Variants in COL15A1 observed in about 807,000 individuals in gnomAD.
COL15A1 encodes the protein collagen alpha-1(XV) chain.
Under a neutral mutation model 165.9 loss-of-function variants are expected in COL15A1, and 111 were observed. The observed-to-expected ratio is 0.67, with a 90% confidence interval of 0.57 to 0.78. The LOEUF is 0.78. COL15A1 is among the 30% of genes least tolerant of loss of function. The pLI is 0.00. For missense variants in COL15A1, 1,745 were observed against 1,789.7 expected, an observed-to-expected ratio of 0.98 and a Z score of 0.45; for synonymous variants, 659 against 674.8, an observed-to-expected ratio of 0.98 and a Z score of 0.36.
At chr9:98,981,964 T>C (rs531254222) in intron 2 of COL15A1, among the ~76,000 whole-genome samples, 1 of 152,206 alleles carries the variant, frequency 6.6e-6, no homozygotes, top group Non-Finnish European at 1.5e-5. Flanking sequence ...TACCACATTC[T>C]GCTAATTTTT....
chr9:98,968,315 G>A (rs183767314), intron 2 of COL15A1, among the ~76,000 whole-genome samples: 1 of 152,322 alleles, frequency 6.6e-6, no homozygotes, highest in East Asian at 1.9e-4. Flanking sequence ...CAAACTGAGT[G>A]GCTTAAAACA....
In COL15A1 at chr9:99,049,055, G is replaced by A. The variant is rs114923697; in HGVS notation, c.2794-635G>A. 2.8e-3 allele frequency among the ~76,000 whole-genome samples: 427 copies of A among 152,222 alleles called. 2 individuals carry two copies. Among genetic ancestry groups the A allele is most frequent in the African/African-American group, 9.2e-3 (381 of 41,528 alleles). On this transcript the variant is annotated intron_variant, in intron 28 of 41. Coordinates refer to ENST00000375001, the MANE Select transcript of COL15A1 (RefSeq NM_001855.5). The stretch of plus-strand genomic sequence containing the variant: ...ACCGGCAGGCAAACCAGACACTGAC[G>A]CCTTCATTTAGAGTGATCAATACAC...
chr9:98,996,812 G>C, intron 5 of COL15A1, 122 bp from the exon 6 acceptor site: 1 of 1,451,786 alleles, frequency 6.9e-7, no homozygotes, highest in Non-Finnish European at 9.3e-7. Context: ...GTGGGGCCAA[G>C]CTTTCCCCTT....
At chr9:99,035,517 C>A in intron 19 of COL15A1, 99 bp downstream of exon 19, 1 of 1,450,726 alleles carries the variant, frequency 6.9e-7, no homozygotes, top group Non-Finnish European at 9.6e-7. Context: ...CTTTCAATAA[C>A]TCACCTTCTC....
chr9:99,061,874 G>A, intron 36 of COL15A1, 97 bp from the exon 37 acceptor site: 1 of 1,319,924 alleles, frequency 7.6e-7, no homozygotes, highest in Non-Finnish European at 1.0e-6. Context: ...AGTATCTGGG[G>A]ACGGCTCCTA....
chr9:99,002,133 TC>T (rs1260381255), intron 7 of COL15A1, among the ~76,000 whole-genome samples: 3 of 110,360 alleles, frequency 2.7e-5, no homozygotes, highest in African/African-American at 1.2e-4. Flanking sequence ...CTCCTTTTAT[TC>T]CCTCCCTTCC....
At chr9:98,998,371 A>G (rs943577450) in intron 6 of COL15A1, among the ~76,000 whole-genome samples, 20 of 152,238 alleles carry the variant, frequency 1.3e-4, no homozygotes, top group Admixed American at 1.0e-3. Context: ...GAGAAAGTAT[A>G]GAGAACTGGA....
At chr9:98,956,384 C>CT (rs1343067214) in intron 2 of COL15A1, among the ~76,000 whole-genome samples, 2 of 152,090 alleles carry the variant, frequency 1.3e-5, no homozygotes. Context: ...TTATATAGTG[C>CT]TTTTTATGTG....
chr9:98,995,912 G>A (rs542598679), intron 5 of COL15A1, among the ~76,000 whole-genome samples: 39 of 152,264 alleles, frequency 2.6e-4, no homozygotes, highest in Middle Eastern at 3.4e-3. Context: ...GGAAGCTGAG[G>A]TTCAGTGAAG....
At chr9:99,035,281 A>G in intron 18 of COL15A1, 69 bp from the exon 19 acceptor site, 4 of 1,611,298 alleles carry the variant, frequency 2.5e-6, no homozygotes, top group South Asian at 2.2e-5. Flanking sequence ...CCAGCTTCCA[A>G]CACCACACCT....
chr9:98,960,952 T>G (rs891640499), intron 2 of COL15A1, among the ~76,000 whole-genome samples: 1 of 152,190 alleles, frequency 6.6e-6, no homozygotes, highest in Non-Finnish European at 1.5e-5. Flanking sequence ...AAGTCATTTG[T>G]GTTTGGAGTT....
intron 26 of COL15A1, among the ~76,000 whole-genome samples, chr9:99,046,101 AGTGGTG>A (rs1245282903): frequency 6.6e-6 from 1 of 152,140 alleles, no homozygotes. Flanking sequence ...ACAAATAGTT[AGTGGTG>A]GGGGTCAGCA....
intron 9 of COL15A1, among the ~76,000 whole-genome samples, chr9:99,007,126 C>A (rs1838776286): frequency 1.3e-5 from 2 of 151,774 alleles, no homozygotes; most frequent in Admixed American, 1.3e-4. Context: ...AGATAAGAGA[C>A]AAACGCTTGC....
chr9:99,016,526 T>C (rs1564057900), intron 11 of COL15A1, among the ~76,000 whole-genome samples: 1 of 152,246 alleles, frequency 6.6e-6, no homozygotes, highest in Non-Finnish European at 1.5e-5. Flanking sequence ...TACAACTGTG[T>C]GACCTTAAGC....
Position 99,069,975 on chromosome 9 carries a change from AT to A in COL15A1, c.*91del. The A allele has an allele frequency of 2.0e-6, 2 of 979,982 alleles. No individual in the cohort carries two copies. Among genetic ancestry groups the A allele is most frequent in the Non-Finnish European group, 2.8e-6 (2 of 724,576 alleles). 60.7% of individuals were successfully genotyped at this position (979,982 alleles called of 1,614,324 possible). ...TCTAAAATGTTTAATTGTTGTAAAT[AT>A]TACAGTTTTTTTTTTTTACTACATA... On this transcript the variant is annotated 3_prime_UTR_variant, in exon 42 of 42. Transcript: ENST00000375001.
chr9:99,043,531 G>A (rs1469521596), intron 24 of COL15A1, among the ~76,000 whole-genome samples: 1 of 152,148 alleles, frequency 6.6e-6, no homozygotes, highest in Non-Finnish European at 1.5e-5. Context: ...CAGTGAACGT[G>A]CTTTCTCTCA....
In COL15A1 at chr9:99,055,320, G is replaced by A. The variant is rs140199394; in HGVS notation, c.3140G>A (p.Gly1047Asp). 5,239 of 1,613,946 alleles carry A rather than the reference G, an allele frequency of 3.2e-3. 35 individuals carry two copies. The highest frequency in any genetic ancestry group is 3.3e-3 in the Middle Eastern group (20 of 6,062). ...AAAGGAGAAAAAGGAGACATTAATG[G>A]CAGCTTCCTTATGTCTGGGCCTCCA... Reference protein sequence around the residue: ...GEKGEKGDINGSFLMSGPPGL... With the variant: ...GEKGEKGDINDSFLMSGPPGL... The change falls in exon 34 of 42, where the codon GGC becomes GAC. Residue 1047 changes from glycine (G) to aspartate (D), a missense_variant. Gly to Asp is a moderately conservative substitution (Grantham distance 94). Transcript: ENST00000375001.
chr9:98,973,128 C>T lies in COL15A1; in HGVS notation c.101-12437C>T, dbSNP rs368284400. The stretch of plus-strand genomic sequence containing the variant: ...GGGCTAAGTGCTTTTCAGCTGCTGG[C>T]CAGGAAAACCAAGCTTCAGCCAGGA... On this transcript the variant is annotated intron_variant, in intron 2 of 41. Coordinates refer to ENST00000375001, the MANE Select transcript of COL15A1 (RefSeq NM_001855.5). Among the ~76,000 whole-genome samples the T allele has an allele frequency of 3.3e-5, 5 of 152,268 alleles. No homozygotes were observed. In the East Asian group the frequency reaches 9.6e-4, roughly 29 times the overall value.
At chr9:98,966,461 C>T (rs567437377) in intron 2 of COL15A1, among the ~76,000 whole-genome samples, 1 of 152,240 alleles carries the variant, frequency 6.6e-6, no homozygotes, top group Non-Finnish European at 1.5e-5. Flanking sequence ...GGCCCCAGCT[C>T]ATGCTCTGAC....
Sources: gnomAD v4.1 joint callset for allele counts (sites outside exome capture counted in the v4.1 genomes callset) on GRCh38, gnomAD v4.1.1 for gene constraint, MANE v1.5 for transcripts, NCBI Gene and HGNC (gene_info 2026-07-23, HGNC 2026-07-21) for gene names.